Variants in SLC25A4 observed in about 807,000 individuals in gnomAD.
SLC25A4 encodes the protein solute carrier family 25 member 4, also known as ADP/ATP translocase 1.
A neutral mutation model predicts 24.7 loss-of-function variants in SLC25A4; 10 were observed. That is an observed-to-expected ratio of 0.41 (90% confidence interval 0.25 to 0.69). The LOEUF is 0.69. SLC25A4 is among the 30% of genes least tolerant of loss of function. The probability of loss-of-function intolerance (pLI) is 0.35; values close to 1 mark genes in which losing one functional copy is unlikely to be tolerated. For synonymous variants in SLC25A4, 125 were observed against 153.3 expected, an observed-to-expected ratio of 0.82 and a Z score of 1.36; for missense variants, 273 against 387.6, an observed-to-expected ratio of 0.70 and a Z score of 2.48.
At position 185,143,371 on chromosome 4, in the gene SLC25A4, C is replaced by T. The variant is rs1375301258; in HGVS notation, c.-2C>T. The T allele has an allele frequency of 6.6e-7, 1 of 1,521,636 alleles. No homozygotes were observed. The highest frequency in any genetic ancestry group is 8.9e-7 in the Non-Finnish European group (1 of 1,127,062). 94.3% of individuals were successfully genotyped at this position (1,521,636 alleles called of 1,614,324 possible). On this transcript the variant is annotated 5_prime_UTR_variant, in exon 1 of 4. Coordinates refer to ENST00000281456, the MANE Select transcript of SLC25A4 (RefSeq NM_001151.4). ...GCGGGCTGAGAGCGTCGAGCTGTCACCATGGGTGATCACGCTTGGAGCTTC... is the reference window on the plus strand; with the variant it reads ...GCGGGCTGAGAGCGTCGAGCTGTCATCATGGGTGATCACGCTTGGAGCTTC...
Position 185,149,834 on chromosome 4 carries a change from A to T in SLC25A4, c.*2863A>T, listed in dbSNP as rs1237121878. ...AAAGCCTCACCTGTTGGCATTTTAC[A>T]TCTTTTTAAGACCTTATTTTGTATT... On this transcript the variant is annotated 3_prime_UTR_variant, in exon 4 of 4. Transcript: ENST00000281456. 1 of 152,042 alleles carries T rather than the reference A, an allele frequency of 6.6e-6. No homozygotes were observed. The highest frequency in any genetic ancestry group is 1.5e-5 in the Non-Finnish European group (1 of 68,028). 9.4% of individuals were successfully genotyped at this position (152,042 alleles called of 1,614,324 possible). A position where few individuals can be genotyped will look rare whatever the true frequency, so the allele number is the denominator to read the frequency against.
Position 185,148,470 on chromosome 4 carries a change from A to ATTG in SLC25A4, c.*1502_*1504dup, listed in dbSNP as rs1328175868. ...AGTTGGGGAGAAAAGGTGAAATTCCATTGTTAGACAATTTGTTTAAGACAA... is the reference window on the plus strand; with the variant it reads ...AGTTGGGGAGAAAAGGTGAAATTCCATTGTTGTTAGACAATTTGTTTAAGACAA... On this transcript the variant is annotated 3_prime_UTR_variant, in exon 4 of 4. Transcript: ENST00000281456. 1.3e-5 allele frequency: 2 copies of ATTG among 152,224 alleles called. No homozygotes were observed. Among genetic ancestry groups the ATTG allele is most frequent in the African/African-American group, 2.4e-5 (1 of 41,446 alleles). The allele number at this position is 152,224 out of a possible 1,614,324, so 9.4% of individuals were successfully genotyped here.
At position 185,148,461 on chromosome 4, in the gene SLC25A4, T is replaced by G. The variant is rs1442882921; in HGVS notation, c.*1490T>G. The G allele has an allele frequency of 6.6e-6, 1 of 152,052 alleles. No individual in the cohort carries two copies. Among genetic ancestry groups the G allele is most frequent in the Non-Finnish European group, 1.5e-5 (1 of 68,020 alleles). The allele number at this position is 152,052 out of a possible 1,614,324, so 9.4% of individuals were successfully genotyped here. A position where few individuals can be genotyped will look rare whatever the true frequency, so the allele number is the denominator to read the frequency against. On this transcript the variant is annotated 3_prime_UTR_variant, in exon 4 of 4. Coordinates refer to ENST00000281456, the MANE Select transcript of SLC25A4 (RefSeq NM_001151.4). ...AGATGCTTCAGTTGGGGAGAAAAGGTGAAATTCCATTGTTAGACAATTTGT... is the reference window on the plus strand; with the variant it reads ...AGATGCTTCAGTTGGGGAGAAAAGGGGAAATTCCATTGTTAGACAATTTGT...
intron 1 of SLC25A4, among the ~76,000 whole-genome samples, chr4:185,144,388 G>C (rs1429093633): frequency 6.6e-6 from 1 of 152,262 alleles, no homozygotes; most frequent in Admixed American, 6.5e-5. Context: ...TAAATCCAAA[G>C]CCCTTTGAAG....
Position 185,143,267 on chromosome 4 carries a change from G to GC in SLC25A4, c.-101dup. On this transcript the variant is annotated 5_prime_UTR_variant, in exon 1 of 4. Coordinates refer to ENST00000281456, the MANE Select transcript of SLC25A4 (RefSeq NM_001151.4). ...AGGGGGAGCTGCGGGCCAGGCGGCG[G>GC]CCCCCTAGCGTCGCGCAGGGTCGGG... The GC allele has an allele frequency of 1.7e-6, 1 of 587,996 alleles. No homozygotes were observed. The highest frequency in any genetic ancestry group is 4.0e-5 in the East Asian group (1 of 25,132). 36.4% of individuals were successfully genotyped at this position (587,996 alleles called of 1,614,324 possible). A position where few individuals can be genotyped will look rare whatever the true frequency, so the allele number is the denominator to read the frequency against.
chr4:185,147,452 G>T lies in SLC25A4; in HGVS notation c.*481G>T, dbSNP rs78882199. The T allele has an allele frequency of 4.9e-3, 821 of 167,260 alleles. 6 individuals are homozygous for T. Among genetic ancestry groups the T allele is most frequent in the African/African-American group, 0.018 (754 of 41,678 alleles). 10.4% of individuals were successfully genotyped at this position (167,260 alleles called of 1,614,324 possible). On this transcript the variant is annotated 3_prime_UTR_variant, in exon 4 of 4. Coordinates refer to ENST00000281456, the MANE Select transcript of SLC25A4 (RefSeq NM_001151.4). ...CTTAAAGTTCCGGTTTTCAAACTTA[G>T]GCAGGTCATATTCTATCTATCTTAT...
intron 3 of SLC25A4, 96 bp from the exon 4 acceptor site, chr4:185,146,718 T>G: frequency 2.1e-6 from 3 of 1,456,286 alleles, no homozygotes; most frequent in Non-Finnish European, 2.9e-6. Context: ...TGACCCTGAT[T>G]TTATAAAACT....
At chr4:185,144,085 G>GT (rs1734394324) in intron 1 of SLC25A4, among the ~76,000 whole-genome samples, 1 of 152,166 alleles carries the variant, frequency 6.6e-6, no homozygotes, top group Non-Finnish European at 1.5e-5. Context: ...TCGCTGAATG[G>GT]TTTATCATCC....
chr4:185,146,854 G>T lies in SLC25A4; in HGVS notation c.780G>T (p.Lys260Asn), dbSNP rs1734450667. The T allele has an allele frequency of 6.2e-7, 1 of 1,614,130 alleles. No homozygotes were observed. Among genetic ancestry groups the T allele is most frequent in the Non-Finnish European group, 8.5e-7 (1 of 1,180,052 alleles). ...MYTGTVDCWR[K>N]IAKDEGAKAF... ...CGGGGACAGTTGACTGCTGGAGGAA[G>T]ATTGCAAAAGACGAAGGAGCCAAGG... The change falls in exon 4 of 4, where the codon AAG becomes AAT. Residue 260 changes from lysine (K) to asparagine (N), a missense_variant. Lys to Asn is a moderately conservative substitution (Grantham distance 94). Coordinates refer to ENST00000281456, the MANE Select transcript of SLC25A4 (RefSeq NM_001151.4).
In SLC25A4 at chr4:185,144,951, T is replaced by G; in HGVS notation, c.299T>G (p.Leu100Ter). ...AAGGACAAGTACAAGCAGCTCTTCT[T>G]AGGGGGTGTGGATCGGCATAAGCAG... ...AFKDKYKQLF[L>*]GGVDRHKQFW... Residue 100 changes from leucine to a stop codon, truncating the protein, a stop_gained, in exon 2 of 4, where the codon TTA (leucine) becomes TGA (stop). Coordinates refer to ENST00000281456, the MANE Select transcript of SLC25A4 (RefSeq NM_001151.4). LOFTEE classifies it high-confidence loss of function. 6.2e-7 allele frequency: 1 copy of G among 1,614,194 alleles called. No homozygotes were observed. The highest frequency in any genetic ancestry group is 1.1e-5 in the South Asian group (1 of 91,078).
In SLC25A4 at chr4:185,146,805, T is replaced by C; in HGVS notation, c.740-9T>C. 1 of 1,614,214 alleles carries C rather than the reference T, an allele frequency of 6.2e-7. No individual in the cohort carries two copies. Among genetic ancestry groups the C allele is most frequent in the Non-Finnish European group, 8.5e-7 (1 of 1,180,024 alleles). On this transcript the variant is annotated splice_polypyrimidine_tract_variant and intron_variant, in intron 3 of 3. Coordinates refer to ENST00000281456, the MANE Select transcript of SLC25A4 (RefSeq NM_001151.4). Reference sequence around the variant, plus strand: ...GTTACGGAGCCCTCACCAGCATTTGTTTCCACAGCCGATATTATGTACACG... The same window carrying C: ...GTTACGGAGCCCTCACCAGCATTTGCTTCCACAGCCGATATTATGTACACG...
At position 185,147,714 on chromosome 4, in the gene SLC25A4, C is replaced by T. The variant is rs1734467806; in HGVS notation, c.*743C>T. The stretch of plus-strand genomic sequence containing the variant: ...AAAATCAAGGCCAGGTGCAGTGGCT[C>T]ACACCTGTCACCCCAGCACTTTGGG... On this transcript the variant is annotated 3_prime_UTR_variant, in exon 4 of 4. Coordinates refer to ENST00000281456, the MANE Select transcript of SLC25A4 (RefSeq NM_001151.4). 1.3e-5 allele frequency: 2 copies of T among 152,210 alleles called. No individual in the cohort carries two copies. The highest frequency in any genetic ancestry group is 2.1e-4 in the South Asian group (1 of 4,830). 9.4% of individuals were successfully genotyped at this position (152,210 alleles called of 1,614,324 possible). A position where few individuals can be genotyped will look rare whatever the true frequency, so the allele number is the denominator to read the frequency against.
Position 185,148,527 on chromosome 4 carries a change from A to G in SLC25A4, c.*1556A>G, listed in dbSNP as rs1468974390. ...TTGCTTGAGAAGGAATAGAAGGGAA[A>G]TGAAATGGGGGGAGGGAGTGGTAGG... On this transcript the variant is annotated 3_prime_UTR_variant, in exon 4 of 4. Transcript: ENST00000281456. 1.3e-5 allele frequency: 2 copies of G among 152,214 alleles called. No individual in the cohort carries two copies. 9.4% of individuals were successfully genotyped at this position (152,214 alleles called of 1,614,324 possible).
chr4:185,145,308 C>G lies in SLC25A4; in HGVS notation c.598+58C>G, dbSNP rs756601096. The G allele has an allele frequency of 6.2e-6, 10 of 1,609,834 alleles. No homozygotes were observed. Among genetic ancestry groups the G allele is most frequent in the Non-Finnish European group, 7.6e-6 (9 of 1,179,422 alleles). Reference sequence around the variant, plus strand: ...GTGTGGAAAGAGGATCCTATGGGATCTATAACTCACAAAGGACCTGATATA... The same window carrying G: ...GTGTGGAAAGAGGATCCTATGGGATGTATAACTCACAAAGGACCTGATATA... On this transcript the variant is annotated intron_variant, in intron 2 of 3. Coordinates refer to ENST00000281456, the MANE Select transcript of SLC25A4 (RefSeq NM_001151.4). This position sits in a 1 kb window ranked among gnomAD's most constrained non-coding sequence, Gnocchi z 5.5.
rs1402134016 is a variant in SLC25A4, at chr4:185,145,050, C to T, written c.398C>T (p.Pro133Leu). 1.2e-6 allele frequency: 2 copies of T among 1,613,980 alleles called. No homozygotes were observed. Among genetic ancestry groups the T allele is most frequent in the Non-Finnish European group, 8.5e-7 (1 of 1,179,990 alleles). ...AGATSLCFVY[P>L]LDFARTRLAA... ...GCCACCTCCCTTTGCTTTGTCTACC[C>T]GCTGGACTTTGCTAGGACCAGGTTG... Residue 133 changes from proline to leucine, a missense_variant, in exon 2 of 4, where the codon CCG becomes CTG. Coordinates refer to ENST00000281456, the MANE Select transcript of SLC25A4 (RefSeq NM_001151.4). The surrounding 1 kb of genome is among the most constrained non-coding windows in gnomAD (Gnocchi z 5.5).
In SLC25A4 at chr4:185,145,252, TGA is replaced by T. The variant is rs771637160; in HGVS notation, c.598+8_598+9del. The stretch of plus-strand genomic sequence containing the variant: ...TCGGAGTCTATGATACTGCCAAGGG[TGA>T]GAGAGGGGCATCGGGGAGAAGGAGG... On this transcript the variant is annotated splice_donor_region_variant and intron_variant, in intron 2 of 3. Coordinates refer to ENST00000281456, the MANE Select transcript of SLC25A4 (RefSeq NM_001151.4). The surrounding 1 kb of genome is among the most constrained non-coding windows in gnomAD (Gnocchi z 5.5). 1 of 1,613,854 alleles carries T rather than the reference TGA, an allele frequency of 6.2e-7. No homozygotes were observed. The highest frequency in any genetic ancestry group is 1.3e-5 in the African/African-American group (1 of 75,004).
chr4:185,145,356 C>A lies in SLC25A4; in HGVS notation c.598+106C>A. 2.6e-6 allele frequency: 4 copies of A among 1,553,124 alleles called. No individual in the cohort carries two copies. Among genetic ancestry groups the A allele is most frequent in the Non-Finnish European group, 8.8e-7 (1 of 1,141,480 alleles). ...ATATATTGATCTTGTTTTTTCTAGT[C>A]TCTGGGATAATTGAGGCTTCTGAAT... On this transcript the variant is annotated intron_variant, in intron 2 of 3. Transcript: ENST00000281456. The surrounding 1 kb of genome is among the most constrained non-coding windows in gnomAD (Gnocchi z 5.5).
In SLC25A4 at chr4:185,143,813, G is replaced by A. The variant is rs67596855; in HGVS notation, c.111+330G>A. On this transcript the variant is annotated intron_variant, in intron 1 of 3. Transcript: ENST00000281456. ...GCACTCAGGCCCGGAGGCACCTAGT[G>A]ATTGCCAGTATTTTTGGCACCGTCT... Among the ~76,000 whole-genome samples, 26,619 of 152,012 alleles carry A rather than the reference G, an allele frequency of 0.18. 3,369 individuals carry two copies. Among genetic ancestry groups the A allele is most frequent in the African/African-American group, 0.36 (14,950 of 41,428 alleles).
At chr4:185,146,777 A>T in intron 3 of SLC25A4, 37 bp from the exon 4 acceptor site, 1 of 1,613,294 alleles carries the variant, frequency 6.2e-7, no homozygotes, top group Non-Finnish European at 8.5e-7. Context: ...TCTTTCCTCC[A>T]GCGTTACGGA....
Sources: allele counts gnomAD v4.1 joint callset (sites outside exome capture counted in the v4.1 genomes callset), GRCh38; gene constraint gnomAD v4.1.1; non-coding constraint Gnocchi (gnomAD v3.1); transcripts MANE v1.5; gene names NCBI Gene and HGNC (gene_info 2026-07-23, HGNC 2026-07-21).